Variants in HMCN1 observed in about 807,000 individuals in gnomAD.
HMCN1 encodes the protein hemicentin 1.
A neutral mutation model predicts 625.9 loss-of-function variants in HMCN1; 321 were observed. The ratio of observed to expected loss-of-function variants is 0.51; its 90% CI spans 0.47 to 0.56. The LOEUF (loss-of-function observed/expected upper bound fraction) is 0.56, where lower values mean the gene tolerates loss of function less well. HMCN1 is among the 20% of genes least tolerant of loss of function. The pLI is 0.00. For synonymous variants in HMCN1, 2,425 were observed against 2,417.6 expected (o/e 1.00, Z -0.09); for missense variants, 6,588 against 6,887.3 (o/e 0.96, Z 1.54).
At chr1:185,864,891 C>G (rs769278701) in intron 3 of HMCN1, among the ~76,000 whole-genome samples, 1 of 152,246 alleles carries the variant, frequency 6.6e-6, no homozygotes, top group Middle Eastern at 3.4e-3. Context: ...TCATCTTTTC[C>G]TTATAACTGA....
intron 29 of HMCN1, 109 bp downstream of exon 29, chr1:186,003,953 T>A: frequency 9.7e-7 from 1 of 1,034,800 alleles, no homozygotes; most frequent in Non-Finnish European, 1.5e-6. Context: ...AGAATATTAT[T>A]AAATGAGCAT....
At chr1:186,121,708 C>T (rs970718791) in intron 80 of HMCN1, among the ~76,000 whole-genome samples, 4 of 152,024 alleles carry the variant, frequency 2.6e-5, no homozygotes, top group African/African-American at 9.7e-5. Context: ...ATTTGGAGCT[C>T]ATGGGAGAAG....
At chr1:186,012,408 T>C (rs1654059565) in intron 30 of HMCN1, among the ~76,000 whole-genome samples, 1 of 152,076 alleles carries the variant, frequency 6.6e-6, no homozygotes, top group African/African-American at 2.4e-5. Context: ...GGTATTTTTT[T>C]TTTGTACTTT....
chr1:185,791,174 G>GT (rs1657965501), intron 1 of HMCN1, among the ~76,000 whole-genome samples: 1 of 151,848 alleles, frequency 6.6e-6, no homozygotes, highest in Non-Finnish European at 1.5e-5. Context: ...TGCACAGCTC[G>GT]TTTTCATGTT....
At position 185,865,921 on chromosome 1, in the gene HMCN1, G is replaced by A. The variant is rs963896297; in HGVS notation, c.621+58G>A. 4 of 1,572,576 alleles carry A rather than the reference G, an allele frequency of 2.5e-6. No individual in the cohort carries two copies. The African/African-American group carries it at 5.4e-5, about 21-fold the overall frequency. On this transcript the variant is annotated intron_variant, in intron 4 of 106. Transcript: ENST00000271588. ...CAGCTGCCTTATCAAAATCAGTTAG[G>A]CCAGCCTAATTATGACAGATTTGAT...
At chr1:185,913,661 A>G (rs1435663945) in intron 6 of HMCN1, among the ~76,000 whole-genome samples, 2 of 152,044 alleles carry the variant, frequency 1.3e-5, no homozygotes, top group African/African-American at 4.8e-5. Context: ...ACTTGTACCT[A>G]TTTCCAGGTG....
intron 2 of HMCN1, among the ~76,000 whole-genome samples, chr1:185,863,764 A>G (rs553762211): frequency 2.0e-5 from 3 of 152,230 alleles, no homozygotes; most frequent in Non-Finnish European, 4.4e-5. Flanking sequence ...AATAAAACAC[A>G]GAGATTATAG....
intron 23 of HMCN1, 123 bp downstream of exon 23, chr1:185,993,432 C>G: frequency 9.5e-7 from 1 of 1,053,688 alleles, no homozygotes; most frequent in Non-Finnish European, 1.4e-6. Flanking sequence ...AAAAAATTCT[C>G]TAAAATCTGA....
Position 186,136,926 on chromosome 1 carries a change from T to C in HMCN1, c.13571T>C (p.Val4524Ala). ...LMGSVLVRVP[V>A]IVQVHGGFSQ... The stretch of plus-strand genomic sequence containing the variant: ...GGTTCTGTCCTTGTCAGAGTGCCAG[T>C]CATAGTCCAGGGTGAGTGTGATCAG... The change falls in exon 87 of 107, where the codon GTC (valine) becomes GCC (alanine). Residue 4524 changes from valine (V) to alanine (A), a missense_variant. Physicochemically the swap from Val to Ala is moderately conservative, Grantham distance 64. This residue lies in a region of HMCN1 where 1,954 missense variants were observed against 2,013.1 expected (regional missense o/e 0.97). Transcript: ENST00000271588. 6.2e-7 allele frequency: 1 copy of C among 1,613,672 alleles called. No homozygotes were observed. The highest frequency in any genetic ancestry group is 8.5e-7 in the Non-Finnish European group (1 of 1,179,890).
At chr1:185,887,326 C>G (rs529555021) in intron 4 of HMCN1, among the ~76,000 whole-genome samples, 37 of 151,846 alleles carry the variant, frequency 2.4e-4, no homozygotes, top group Admixed American at 1.0e-3. Context: ...TATTATTATA[C>G]TTTAAGTTTT....
intron 1 of HMCN1, among the ~76,000 whole-genome samples, chr1:185,796,502 C>T (rs144955806): frequency 1.1e-3 from 164 of 152,276 alleles, no homozygotes; most frequent in African/African-American, 3.6e-3. Flanking sequence ...ATTTAGCTTC[C>T]GCTTATAAGT....
Position 186,153,861 on chromosome 1 carries a change from T to A in HMCN1, c.15130T>A (p.Phe5044Ile). Reference sequence around the variant, plus strand: ...CCCATACACATGGAACCACACCGTTTTCTATGATCAGGCACAGGGAAGAAT... The same window carrying A: ...CCCATACACATGGAACCACACCGTTATCTATGATCAGGCACAGGGAAGAAT... The part of the protein sequence containing the change: ...SIPYTWNHTV[F>I]YDQAQGRMPF... The change falls in exon 97 of 107, where the codon TTC becomes ATC. Residue 5044 changes from phenylalanine to isoleucine, a missense_variant. Phe to Ile is a conservative substitution (Grantham distance 21). Transcript: ENST00000271588. The A allele has an allele frequency of 6.2e-7, 1 of 1,614,174 alleles. No homozygotes were observed.
intron 35 of HMCN1, 37 bp from the exon 36 acceptor site, chr1:186,022,993 G>A (rs1196241023): frequency 6.2e-7 from 1 of 1,605,400 alleles, no homozygotes; most frequent in Non-Finnish European, 8.5e-7. Context: ...CCAAGTATAA[G>A]ATACAAAAAT....
At chr1:186,043,191 G>T (rs1281894495) in intron 40 of HMCN1, among the ~76,000 whole-genome samples, 1 of 152,052 alleles carries the variant, frequency 6.6e-6, no homozygotes. Flanking sequence ...TGTTTAGGAT[G>T]AGAAACAGGT....
chr1:185,930,660 G>C (rs1026035240), intron 10 of HMCN1, among the ~76,000 whole-genome samples: 7 of 152,124 alleles, frequency 4.6e-5, no homozygotes, highest in African/African-American at 1.7e-4. Context: ...TCTAGTTGAC[G>C]TGTTTGAGGA....
At chr1:186,005,136 AT>A (rs1210800273) in intron 29 of HMCN1, among the ~76,000 whole-genome samples, 3 of 150,446 alleles carry the variant, frequency 2.0e-5, no homozygotes, top group Non-Finnish European at 4.4e-5. Flanking sequence ...CAATTTTTTA[AT>A]TGTTTATAAA....
intron 68 of HMCN1, among the ~76,000 whole-genome samples, chr1:186,103,135 TA>T (rs529838009): frequency 1.1e-3 from 169 of 147,756 alleles, no homozygotes; most frequent in African/African-American, 3.6e-3. Flanking sequence ...TAAGTCCCTC[TA>T]AAAAAAAAAG....
At chr1:185,950,391 T>C (rs1367755432) in intron 11 of HMCN1, among the ~76,000 whole-genome samples, 1 of 151,830 alleles carries the variant, frequency 6.6e-6, no homozygotes, top group South Asian at 2.1e-4. Flanking sequence ...CACGCAGACA[T>C]GAGGGCTAGG....
At position 186,153,845 on chromosome 1, in the gene HMCN1, A is replaced by G; in HGVS notation, c.15114A>G (p.Thr5038=). 1.9e-6 allele frequency: 3 copies of G among 1,614,146 alleles called. No homozygotes were observed. The highest frequency in any genetic ancestry group is 1.1e-5 in the South Asian group (1 of 91,082). The part of the protein sequence containing the change: ...FTIDGISIPY[T]WNHTVFYDQA... The stretch of plus-strand genomic sequence containing the variant: ...TTGATGGCATCAGCATCCCATACAC[A>G]TGGAACCACACCGTTTTCTATGATC... The change falls in exon 97 of 107, where the codon ACA becomes ACG. Residue 5038 remains threonine (T), a synonymous_variant. Transcript: ENST00000271588.
Sources: allele counts gnomAD v4.1 joint callset (sites outside exome capture counted in the v4.1 genomes callset), GRCh38; gene constraint gnomAD v4.1.1; regional missense constraint gnomAD v4.1.1; transcripts MANE v1.5; gene names NCBI Gene and HGNC (gene_info 2026-07-23, HGNC 2026-07-21).